The following PACRG variants were observed in gnomAD, a reference collection of about 807,000 sequenced individuals.
PACRG encodes parkin coregulated gene protein.
A neutral mutation model predicts 29.7 loss-of-function variants in PACRG; 29 were observed. That is an observed-to-expected ratio of 0.98 (90% CI 0.73 to 1.33). The LOEUF is 1.33. PACRG is among the 40% of genes most tolerant of loss of function. PACRG has a pLI of 0.00. For synonymous variants in PACRG, 116 were observed against 118.7 expected (o/e 0.98, Z 0.15); for missense variants, 279 against 316.2 (o/e 0.88, Z 0.89).
chr6:163,235,494 T>C (rs1782200262), intron 4 of PACRG, among the ~76,000 whole-genome samples: 1 of 152,220 alleles, frequency 6.6e-6, no homozygotes, highest in Admixed American at 6.5e-5. Flanking sequence ...ACTTGTGGAA[T>C]ATGAAATATC....
chr6:163,242,373 G>A (rs1175091891), intron 4 of PACRG, among the ~76,000 whole-genome samples: 1 of 152,190 alleles, frequency 6.6e-6, no homozygotes, highest in Admixed American at 6.5e-5. Context: ...ATCGCATAGG[G>A]CAACATTGAT....
At chr6:162,997,492 T>C (rs763694025) in intron 2 of PACRG, 8 of 448,786 alleles carry the variant, frequency 1.8e-5, no homozygotes, top group African/African-American at 1.4e-4. Flanking sequence ...GCGAATCATG[T>C]CTTCCAATGA....
At chr6:163,063,998 A>G (rs1400125658) in intron 3 of PACRG, among the ~76,000 whole-genome samples, 1 of 152,168 alleles carries the variant, frequency 6.6e-6, no homozygotes, top group African/African-American at 2.4e-5. Flanking sequence ...GCTTTCTCTG[A>G]TAAACAAGAA....
At chr6:162,855,206 T>A (rs1791283085) in intron 2 of PACRG, among the ~76,000 whole-genome samples, 1 of 152,196 alleles carries the variant, frequency 6.6e-6, no homozygotes. Context: ...GTAGAGCTGT[T>A]GTAAGGATTA....
At chr6:163,273,369 G>A (rs966583301) in intron 4 of PACRG, among the ~76,000 whole-genome samples, 10 of 152,016 alleles carry the variant, frequency 6.6e-5, no homozygotes, top group South Asian at 2.1e-4. Context: ...TTTGTTTGTC[G>A]TTCTTGTTGT....
At chr6:162,871,913 T>C (rs1350357221) in intron 2 of PACRG, among the ~76,000 whole-genome samples, 1 of 150,886 alleles carries the variant, frequency 6.6e-6, no homozygotes, top group African/African-American at 2.4e-5. Context: ...CCAGACTCCG[T>C]CTCAAAAAAA....
At chr6:162,748,906 T>C (rs983701275) in intron 1 of PACRG, among the ~76,000 whole-genome samples, 1 of 152,184 alleles carries the variant, frequency 6.6e-6, no homozygotes, top group Non-Finnish European at 1.5e-5. Context: ...ATAATGAATA[T>C]ATTCATCCCC....
intron 2 of PACRG, among the ~76,000 whole-genome samples, chr6:162,836,538 C>A (rs879541265): frequency 1.3e-4 from 20 of 152,228 alleles, no homozygotes; most frequent in Admixed American, 1.3e-3. Flanking sequence ...TCATACCGTC[C>A]TTTCTGCTAC....
intron 4 of PACRG, among the ~76,000 whole-genome samples, chr6:163,183,843 T>G (rs1360413041): frequency 6.6e-6 from 1 of 152,254 alleles, no homozygotes; most frequent in Non-Finnish European, 1.5e-5. Context: ...GGTTTTTTAC[T>G]GATTGTATTA....
chr6:162,967,575 C>T (rs2128153900), intron 2 of PACRG, among the ~76,000 whole-genome samples: 1 of 150,926 alleles, frequency 6.6e-6, no homozygotes, highest in South Asian at 2.1e-4. Context: ...GTTGCGATCT[C>T]GGCTCACTGC....
chr6:163,003,053 A>C (rs1399622553), intron 2 of PACRG, among the ~76,000 whole-genome samples: 1 of 152,040 alleles, frequency 6.6e-6, no homozygotes, highest in Non-Finnish European at 1.5e-5. Flanking sequence ...AGTAACACCC[A>C]CCCCTTCTAG....
chr6:162,971,059 G>A (rs1801490891), intron 2 of PACRG, among the ~76,000 whole-genome samples: 1 of 152,206 alleles, frequency 6.6e-6, no homozygotes, highest in African/African-American at 2.4e-5. Context: ...ACGTTATAGT[G>A]ACAGCTTCCA....
At chr6:162,776,861 C>T (rs970535934) in intron 1 of PACRG, among the ~76,000 whole-genome samples, 2 of 152,106 alleles carry the variant, frequency 1.3e-5, no homozygotes, top group African/African-American at 4.8e-5. Context: ...TCTCCCTAAG[C>T]CACATCTCTC....
At chr6:162,963,936 T>C (rs1004214573) in intron 2 of PACRG, among the ~76,000 whole-genome samples, 12 of 152,184 alleles carry the variant, frequency 7.9e-5, no homozygotes, top group Non-Finnish European at 1.5e-4. Flanking sequence ...TGTTATTCCC[T>C]TGGGCAGAAG....
At chr6:162,857,455 C>T (rs932821636) in intron 2 of PACRG, among the ~76,000 whole-genome samples, 1 of 152,150 alleles carries the variant, frequency 6.6e-6, no homozygotes, top group Non-Finnish European at 1.5e-5. Flanking sequence ...CTTTGTTTCT[C>T]CTATTTTATT....
chr6:162,958,906 G>T (rs866995313), intron 2 of PACRG, among the ~76,000 whole-genome samples: 60 of 121,614 alleles, frequency 4.9e-4, no homozygotes, highest in African/African-American at 1.9e-3. Flanking sequence ...GAGAGAGAGA[G>T]AGAGAGAGAG....
intron 1 of PACRG, among the ~76,000 whole-genome samples, chr6:162,763,579 C>T (rs973383065): frequency 1.3e-5 from 2 of 152,156 alleles, no homozygotes; most frequent in Non-Finnish European, 2.9e-5. Context: ...GCTCTGTTCT[C>T]TGAAAATGAG....
chr6:162,836,928 C>A (rs1030407475), intron 2 of PACRG, among the ~76,000 whole-genome samples: 3 of 152,258 alleles, frequency 2.0e-5, no homozygotes, highest in South Asian at 4.1e-4. Flanking sequence ...GAACCTAGGT[C>A]TGCTATATCC....
chr6:163,204,974 C>T (rs1330111473), intron 4 of PACRG, among the ~76,000 whole-genome samples: 1 of 152,144 alleles, frequency 6.6e-6, no homozygotes, highest in Non-Finnish European at 1.5e-5. Context: ...TCACAATAGT[C>T]ACAGAAAGAA....
Sources: allele counts gnomAD v4.1 joint callset (sites outside exome capture counted in the v4.1 genomes callset), GRCh38; gene constraint gnomAD v4.1.1; transcripts MANE v1.5; gene names NCBI Gene and HGNC (gene_info 2026-07-23, HGNC 2026-07-21).